MAGI2: variants seen among roughly 807,000 people sequenced by gnomAD.
The protein encoded by MAGI2 is membrane associated guanylate kinase, WW and PDZ domain containing 2.
A neutral mutation model predicts 133.3 loss-of-function variants in MAGI2; 35 were observed. That is an observed-to-expected ratio of 0.26 (90% confidence interval 0.20 to 0.35). MAGI2 has a LOEUF of 0.35. Among genes scored for constraint, MAGI2 ranks in the 10% least tolerant of loss-of-function variants. The pLI is 1.00. For synonymous variants in MAGI2, 729 were observed against 710.6 expected (o/e 1.03, Z -0.41); for missense variants, 1,636 against 1,863.4 (o/e 0.88, Z 2.25).
Position 78,192,185 on chromosome 7 carries a change from G to A in MAGI2, c.2269+2689C>T, listed in dbSNP as rs3823779. Among the ~76,000 whole-genome samples the A allele has an allele frequency of 5.6e-3, 858 of 152,204 alleles. 23 individuals carry two copies. Among genetic ancestry groups the A allele is most frequent in the East Asian group, 0.053 (276 of 5,180 alleles). ...CAAAGGACTTAGTTTAAACAGCTCT[G>A]GTTAGGATTCTTTTCCACACCTTCC... On this transcript the variant is annotated intron_variant, in intron 12 of 21. Transcript: ENST00000354212.
intron 2 of MAGI2, among the ~76,000 whole-genome samples, chr7:78,929,312 T>C (rs986325563): frequency 3.3e-5 from 5 of 152,094 alleles, no homozygotes; most frequent in Non-Finnish European, 7.4e-5. Context: ...TTTAACATCA[T>C]AAATTTATTC....
chr7:78,788,793 G>T (rs908786199), intron 2 of MAGI2, among the ~76,000 whole-genome samples: 2 of 152,070 alleles, frequency 1.3e-5, no homozygotes, highest in Admixed American at 6.5e-5. Flanking sequence ...ATATCATTGA[G>T]ATGTTCCTTG....
At chr7:79,254,233 C>A (rs1014066033) in intron 1 of MAGI2, among the ~76,000 whole-genome samples, 1 of 152,070 alleles carries the variant, frequency 6.6e-6, no homozygotes, top group Non-Finnish European at 1.5e-5. Context: ...TCAACTTTTT[C>A]TATTAACTTG....
In MAGI2 at chr7:79,273,120, G is replaced by C. The variant is rs1315109574; in HGVS notation, c.301+179900C>G. ...TTCTTTCAGCTGAATTTAGTTAAAC[G>C]TATCTCTCATTCTGTAGGAAAAATT... On this transcript the variant is annotated intron_variant, in intron 1 of 21. Transcript: ENST00000354212. Among the ~76,000 whole-genome samples, 3 of 152,002 alleles carry C rather than the reference G, an allele frequency of 2.0e-5. No homozygotes were observed. The East Asian group carries it at 5.8e-4, about 29-fold the overall frequency.
chr7:78,064,419 A>T (rs1036977613), intron 21 of MAGI2, among the ~76,000 whole-genome samples: 1 of 152,050 alleles, frequency 6.6e-6, no homozygotes, highest in Non-Finnish European at 1.5e-5. Context: ...TAGTAAGCCA[A>T]TTAAATAATT....
intron 18 of MAGI2, among the ~76,000 whole-genome samples, chr7:78,128,224 T>C (rs1821190004): frequency 6.6e-6 from 1 of 152,204 alleles, no homozygotes; most frequent in Non-Finnish European, 1.5e-5. Context: ...TAGCATTGTT[T>C]TGTGAATCCA....
intron 20 of MAGI2, among the ~76,000 whole-genome samples, chr7:78,100,371 A>T (rs1818104405): frequency 6.6e-6 from 1 of 151,972 alleles, no homozygotes; most frequent in African/African-American, 2.4e-5. Flanking sequence ...TTTCTTTTTG[A>T]GACAGGAACT....
chr7:79,114,953 G>C (rs536280377), intron 1 of MAGI2, among the ~76,000 whole-genome samples: 1 of 152,224 alleles, frequency 6.6e-6, no homozygotes, highest in Non-Finnish European at 1.5e-5. Flanking sequence ...TTCCCCGAAG[G>C]CATCTTAATT....
intron 1 of MAGI2, among the ~76,000 whole-genome samples, chr7:79,268,015 T>G (rs1834609719): frequency 6.6e-6 from 1 of 152,102 alleles, no homozygotes; most frequent in Non-Finnish European, 1.5e-5. Context: ...ACAGTATGAG[T>G]TTAATCGCCC....
chr7:79,163,673 T>C (rs1028261735), intron 1 of MAGI2, among the ~76,000 whole-genome samples: 1 of 152,100 alleles, frequency 6.6e-6, no homozygotes, highest in Non-Finnish European at 1.5e-5. Context: ...GTAAACACAC[T>C]GTGAGTCTGA....
chr7:79,108,077 T>G (rs1333757728), intron 1 of MAGI2, among the ~76,000 whole-genome samples: 1 of 152,180 alleles, frequency 6.6e-6, no homozygotes, highest in Non-Finnish European at 1.5e-5. Context: ...ATTCTCAACA[T>G]CAGAGAGTGT....
chr7:78,811,770 G>A (rs1403814372), intron 2 of MAGI2, among the ~76,000 whole-genome samples: 1 of 152,206 alleles, frequency 6.6e-6, no homozygotes, highest in Non-Finnish European at 1.5e-5. Flanking sequence ...TATCTTTAAA[G>A]AGTGGTGTGG....
chr7:79,388,267 T>C (rs529240915), intron 1 of MAGI2, among the ~76,000 whole-genome samples: 18 of 152,006 alleles, frequency 1.2e-4, no homozygotes, highest in Non-Finnish European at 2.2e-4. Flanking sequence ...TACCTAACTT[T>C]TCTATTGCAT....
rs3972360 is a variant in MAGI2 at position 78,177,418 on chromosome 7, G to GCACA, written c.2403+589_2403+592dup. ...ATTTTATGTTTCACTGTGAATACGC[G>GCACA]CACACACACACACACACACACACAC... On this transcript the variant is annotated intron_variant, in intron 14 of 21. Transcript: ENST00000354212. Among the ~76,000 whole-genome samples, 16 of 120,348 alleles carry GCACA rather than the reference G, an allele frequency of 1.3e-4. 1 individual carries two copies. The highest frequency in any genetic ancestry group is 1.1e-3 in the East Asian group (5 of 4,552). 79.0% of individuals were successfully genotyped at this position (120,348 alleles called of 152,430 possible).
At chr7:78,536,164 G>A (rs1476151233) in intron 3 of MAGI2, among the ~76,000 whole-genome samples, 3 of 127,528 alleles carry the variant, frequency 2.4e-5, no homozygotes, top group Non-Finnish European at 4.8e-5. Flanking sequence ...CCAGGCTGGA[G>A]TGCAGTGGCG....
At chr7:79,102,790 C>T (rs1011001650) in intron 1 of MAGI2, among the ~76,000 whole-genome samples, 4 of 152,106 alleles carry the variant, frequency 2.6e-5, no homozygotes, top group Admixed American at 6.6e-5. Context: ...TTTGATGTGT[C>T]GGCTTGGCTA....
intron 2 of MAGI2, among the ~76,000 whole-genome samples, chr7:78,695,999 T>C (rs755249537): frequency 1.2e-4 from 18 of 152,186 alleles, no homozygotes; most frequent in Non-Finnish European, 2.1e-4. Context: ...GCAGTGGCAT[T>C]ATCATAGCTC....
chr7:79,284,929 G>A (rs1412821109), intron 1 of MAGI2, among the ~76,000 whole-genome samples: 1 of 151,806 alleles, frequency 6.6e-6, no homozygotes, highest in South Asian at 2.1e-4. Flanking sequence ...ACATCTGTAT[G>A]GGCTGAATTT....
intron 1 of MAGI2, among the ~76,000 whole-genome samples, chr7:79,210,487 G>A (rs1433439112): frequency 6.6e-6 from 1 of 151,908 alleles, no homozygotes; most frequent in Non-Finnish European, 1.5e-5. Flanking sequence ...TTATGTTAAG[G>A]CCCAAGTGAC....
Sources: allele counts gnomAD v4.1 joint callset (sites outside exome capture counted in the v4.1 genomes callset), GRCh38; gene constraint gnomAD v4.1.1; transcripts MANE v1.5; gene names NCBI Gene and HGNC (gene_info 2026-07-23, HGNC 2026-07-21).